Variants in COG4 observed in about 807,000 individuals in gnomAD.
COG4 encodes the protein conserved oligomeric Golgi complex subunit 4.
Under a neutral mutation model 95.1 loss-of-function variants are expected in COG4, and 65 were observed. The ratio of observed to expected loss-of-function variants is 0.68; its 90% CI spans 0.56 to 0.84. The LOEUF is 0.84. Ranked by LOEUF, COG4 falls within the 40% of genes least tolerant of loss-of-function variation. COG4 has a pLI of 0.00. For synonymous variants in COG4, 421 were observed against 374.8 expected (o/e 1.12, Z -1.42); for missense variants, 1,045 against 989.1 (o/e 1.06, Z -0.76).
chr16:70,496,240 C>T (rs1438339901), intron 12 of COG4, 26 bp downstream of exon 12: 2 of 1,613,990 alleles, frequency 1.2e-6, no homozygotes, highest in Non-Finnish European at 1.7e-6. Flanking sequence ...TAAACCAACC[C>T]AGCTCGTGAG....
intron 1 of COG4, among the ~76,000 whole-genome samples, chr16:70,522,567 C>G (rs79690677): frequency 5.9e-5 from 9 of 152,198 alleles, no homozygotes; most frequent in Non-Finnish European, 8.8e-5. Context: ...TCAACGATCA[C>G]CTCTCCCTCA....
intron 8 of COG4, among the ~76,000 whole-genome samples, chr16:70,506,613 A>AC (rs2049576960): frequency 8.2e-5 from 5 of 60,758 alleles, no homozygotes; most frequent in Middle Eastern, 0.012. Context: ...AAAAAAAAAA[A>AC]AAAACAAAAA....
Position 70,497,961 on chromosome 16 carries a change from G to C in COG4, c.1290C>G (p.Tyr430Ter). Residue 430 changes from tyrosine (Y) to a stop codon, truncating the protein, a stop_gained, in exon 10 of 19, where the codon TAC becomes TAG. Transcript: ENST00000323786. LOFTEE classifies it high-confidence loss of function. ...CCTTATTGACAGTCTCCCTCATGAA[G>C]TACTCCTCCATGGTAACATATAAGC... Reference protein sequence around the residue: ...LIGLYVTMEEYFMRETVNKAV... With the variant: ...LIGLYVTMEE The C allele has an allele frequency of 1.2e-6, 2 of 1,604,110 alleles. No individual in the cohort carries two copies. The highest frequency in any genetic ancestry group is 1.7e-6 in the Non-Finnish European group (2 of 1,170,872).
At chr16:70,481,306 CT>C in intron 18 of COG4, 52 bp downstream of exon 18, 1 of 1,608,668 alleles carries the variant, frequency 6.2e-7, no homozygotes, top group Non-Finnish European at 8.5e-7. Flanking sequence ...GGGGATCCAT[CT>C]TTGCCTCTTT....
intron 8 of COG4, among the ~76,000 whole-genome samples, chr16:70,502,661 A>C (rs2049479472): frequency 6.6e-6 from 1 of 152,172 alleles, no homozygotes; most frequent in East Asian, 1.9e-4. Context: ...TCTCTAATTT[A>C]GCCCTGGCAG....
chr16:70,484,939 C>G (rs2049096464), intron 13 of COG4, among the ~76,000 whole-genome samples: 1 of 151,996 alleles, frequency 6.6e-6, no homozygotes, highest in Non-Finnish European at 1.5e-5. Context: ...CCAAAAAACC[C>G]CCACAACTAT....
chr16:70,501,416 C>T (rs1009845816), intron 8 of COG4: 25 of 317,166 alleles, frequency 7.9e-5, no homozygotes, highest in African/African-American at 3.5e-4. Flanking sequence ...TGCAGTGGCT[C>T]GATCTCAGCT....
At chr16:70,501,778 A>AGTAGCT (rs1454568390) in intron 8 of COG4, among the ~76,000 whole-genome samples, 1 of 151,194 alleles carries the variant, frequency 6.6e-6, no homozygotes, top group Non-Finnish European at 1.5e-5. Context: ...TGGCCACATG[A>AGTAGCT]GTAGCTGGGA....
At chr16:70,523,265 T>G (rs1414964749) in intron 1 of COG4, 108 bp downstream of exon 1, 6 of 1,386,658 alleles carry the variant, frequency 4.3e-6, no homozygotes, top group Non-Finnish European at 6.1e-6. Flanking sequence ...GTTTTCCCGC[T>G]TTTTTGTATC....
chr16:70,512,934 T>C (rs1280668914), intron 4 of COG4, among the ~76,000 whole-genome samples: 1 of 152,128 alleles, frequency 6.6e-6, no homozygotes, highest in African/African-American at 2.4e-5. Flanking sequence ...GCCAAGATCA[T>C]GCCACTGCAC....
intron 10 of COG4, among the ~76,000 whole-genome samples, chr16:70,497,734 T>C (rs1350447655): frequency 6.6e-6 from 1 of 152,230 alleles, no homozygotes; most frequent in Non-Finnish European, 1.5e-5. Flanking sequence ...TTTTAATTCT[T>C]GGGAAGGAAG....
In COG4 at chr16:70,523,372, C is replaced by T. The variant is rs760431906; in HGVS notation, c.171+1G>A. On this transcript the variant is annotated splice_donor_variant, in intron 1 of 18. Coordinates refer to ENST00000323786, the MANE Select transcript of COG4 (RefSeq NM_015386.3). LOFTEE classifies it high-confidence loss of function. Reference sequence around the variant, plus strand: ...GAAAAAGAAGAGGCTCGACCCCGCACCTCCTCGCCGCAGAGCCGTTCGTAT... The same window carrying T: ...GAAAAAGAAGAGGCTCGACCCCGCATCTCCTCGCCGCAGAGCCGTTCGTAT... The T allele has an allele frequency of 4.3e-6, 7 of 1,614,126 alleles. No individual in the cohort carries two copies.
chr16:70,512,251 G>A lies in COG4; in HGVS notation c.726C>T (p.Tyr242=). The A allele has an allele frequency of 6.2e-7, 1 of 1,614,088 alleles. No individual in the cohort carries two copies. Among genetic ancestry groups the A allele is most frequent in the East Asian group, 2.2e-5 (1 of 44,876 alleles). The part of the protein sequence containing the change: ...HEEGLRKFSE[Y]LCKQVASKAE... ...TCAGGGTCCATACCTGCTTGCAAAGGTACTCCGAGAACTTTCTTAATCCCT... is the reference window on the plus strand; with the variant it reads ...TCAGGGTCCATACCTGCTTGCAAAGATACTCCGAGAACTTTCTTAATCCCT... The change falls in exon 5 of 19, where the codon TAC becomes TAT. Residue 242 remains tyrosine (Y), a synonymous_variant. Transcript: ENST00000323786.
chr16:70,514,299 T>C, intron 4 of COG4, 36 bp downstream of exon 4: 1 of 1,606,208 alleles, frequency 6.2e-7, no homozygotes, highest in Non-Finnish European at 8.5e-7. Context: ...CAGATGATTT[T>C]AACTAAACTA....
chr16:70,504,854 T>G (rs1326599413), intron 8 of COG4, among the ~76,000 whole-genome samples: 3 of 147,284 alleles, frequency 2.0e-5, no homozygotes, highest in African/African-American at 7.6e-5. Context: ...TAGGTTGCAG[T>G]GAGCTGAGAT....
At chr16:70,499,761 G>A (rs967071001) in intron 9 of COG4, among the ~76,000 whole-genome samples, 2 of 152,000 alleles carry the variant, frequency 1.3e-5, no homozygotes, top group African/African-American at 4.8e-5. Context: ...CCGGGTTCAC[G>A]CCATTCTCCT....
At chr16:70,498,462 G>A (rs1483783046) in intron 9 of COG4, among the ~76,000 whole-genome samples, 1 of 151,948 alleles carries the variant, frequency 6.6e-6, no homozygotes, top group Non-Finnish European at 1.5e-5. Flanking sequence ...CCGAGTAGCT[G>A]GGATTACAGG....
At position 70,480,962 on chromosome 16, in the gene COG4, G is replaced by A. The variant is rs1006772304; in HGVS notation, c.*48C>T. On this transcript the variant is annotated 3_prime_UTR_variant, in exon 19 of 19. Transcript: ENST00000323786. ...TCAGCTCCTTGGCTGGGGCCCCTTA[G>A]GGAACAGGCCTGCAAGTGTGATGAG... 6.2e-7 allele frequency: 1 copy of A among 1,608,108 alleles called. No homozygotes were observed. Among genetic ancestry groups the A allele is most frequent in the Non-Finnish European group, 8.5e-7 (1 of 1,179,350 alleles).
At position 70,501,159 on chromosome 16, in the gene COG4, AAG is replaced by A. The variant is rs902038322; in HGVS notation, c.1062-70_1062-69del. 5.1e-6 allele frequency: 8 copies of A among 1,571,306 alleles called. No individual in the cohort carries two copies. In the African/African-American group the frequency reaches 9.4e-5, roughly 19 times the overall value. On this transcript the variant is annotated intron_variant, in intron 8 of 18. Transcript: ENST00000323786. ...CCTTAGACACAAGAGCTACAGGGCA[AAG>A]AGAGTCCCAAATTCCCCCTCCCCAC...
Sources: allele counts gnomAD v4.1 joint callset (sites outside exome capture counted in the v4.1 genomes callset), GRCh38; gene constraint gnomAD v4.1.1; transcripts MANE v1.5; gene names NCBI Gene and HGNC (gene_info 2026-07-23, HGNC 2026-07-21).